INVS: variants seen among roughly 807,000 people sequenced by gnomAD.
INVS encodes the protein inversin.
Under a neutral mutation model 108.8 loss-of-function variants are expected in INVS, and 86 were observed. The ratio of observed to expected loss-of-function variants is 0.79; its 90% CI spans 0.66 to 0.95. The LOEUF (loss-of-function observed/expected upper bound fraction) is 0.95. INVS is among the 40% of genes least tolerant of loss of function. INVS has a pLI of 0.00. For missense variants in INVS, 1,169 were observed against 1,297.4 expected, an observed-to-expected ratio of 0.90 and a Z score of 1.52; for synonymous variants, 455 against 473.5, an observed-to-expected ratio of 0.96 and a Z score of 0.51.
chr9:100,276,739 C>T (rs1420183466), intron 12 of INVS, among the ~76,000 whole-genome samples: 3 of 152,062 alleles, frequency 2.0e-5, no homozygotes, highest in Non-Finnish European at 4.4e-5. Flanking sequence ...AAACTCCTGA[C>T]CTCAACCCAC....
At chr9:100,192,105 G>A (rs1389956895) in intron 3 of INVS, among the ~76,000 whole-genome samples, 4 of 152,090 alleles carry the variant, frequency 2.6e-5, no homozygotes, top group African/African-American at 9.7e-5. Context: ...GAGGGTCTGT[G>A]ATTTCTGTCA....
At chr9:100,257,034 G>T (rs1334863064) in intron 10 of INVS, among the ~76,000 whole-genome samples, 2 of 152,170 alleles carry the variant, frequency 1.3e-5, no homozygotes, top group Non-Finnish European at 2.9e-5. Flanking sequence ...TGATTATTGT[G>T]TGGGAGTCTA....
At position 100,273,065 on chromosome 9, in the gene INVS, T is replaced by C. The variant is rs1448637021; in HGVS notation, c.1773T>C (p.Asp591=). ...TGAAGCATGAACAGTTGAGAAAAGATGCTGCTGCCAAGTAAGTATGAGCTA... is the reference window on the plus strand; with the variant it reads ...TGAAGCATGAACAGTTGAGAAAAGACGCTGCTGCCAAGTAAGTATGAGCTA... ...LLMKHEQLRK[D]AAAKKREEEN... The change falls in exon 12 of 17, where the codon GAT becomes GAC. Residue 591 remains aspartate (D), a synonymous_variant. Coordinates refer to ENST00000262457, the MANE Select transcript of INVS (RefSeq NM_014425.5). The C allele has an allele frequency of 1.9e-6, 3 of 1,613,860 alleles. No homozygotes were observed. In the South Asian group the frequency reaches 3.3e-5, roughly 18 times the overall value.
intron 3 of INVS, among the ~76,000 whole-genome samples, chr9:100,127,048 T>A (rs763868241): frequency 1.3e-3 from 202 of 152,006 alleles, no homozygotes; most frequent in Non-Finnish European, 2.5e-3. Flanking sequence ...ATTAAAAAAT[T>A]AGCTGGGCAT....
intron 3 of INVS, among the ~76,000 whole-genome samples, chr9:100,168,466 T>C (rs1829435457): frequency 6.6e-6 from 1 of 152,202 alleles, no homozygotes; most frequent in Non-Finnish European, 1.5e-5. Context: ...TCTAATTTGG[T>C]AGGTTTGCTT....
intron 15 of INVS, 39 bp from the exon 16 acceptor site, chr9:100,297,897 C>G: frequency 3.7e-6 from 6 of 1,610,134 alleles, no homozygotes; most frequent in Non-Finnish European, 5.1e-6. Context: ...CAAACGTATC[C>G]CTGGCCAAAG....
intron 3 of INVS, among the ~76,000 whole-genome samples, chr9:100,195,499 T>A (rs967782535): frequency 2.0e-5 from 3 of 151,688 alleles, no homozygotes; most frequent in Admixed American, 2.0e-4. Context: ...ATTGATTTTT[T>A]TTTTTGAGAC....
rs373278202 is a variant in INVS, at chr9:100,182,041, G to T, written c.274-44021G>T. 1.2e-4 allele frequency among the ~76,000 whole-genome samples: 19 copies of T among 152,276 alleles called. No individual in the cohort carries two copies. The East Asian group carries it at 2.9e-3, about 23-fold the overall frequency. The stretch of plus-strand genomic sequence containing the variant: ...AAGGATTCCCTATTTAATAAATGGT[G>T]TTGGGAAAATGGCTAGCCATATGCA... On this transcript the variant is annotated intron_variant, in intron 3 of 16. Transcript: ENST00000262457.
At chr9:100,225,097 G>C (rs1433828929) in intron 3 of INVS, among the ~76,000 whole-genome samples, 2 of 147,822 alleles carry the variant, frequency 1.4e-5, no homozygotes, top group Non-Finnish European at 3.0e-5. Context: ...TCACTCTGTC[G>C]CCCAGCCTGG....
At chr9:100,226,352 T>A in intron 4 of INVS, 117 bp downstream of exon 4, 1 of 777,714 alleles carries the variant, frequency 1.3e-6, no homozygotes, top group African/African-American at 1.7e-5. Context: ...GTAGAACAAT[T>A]CCAAATCTCC....
chr9:100,252,575 G>A (rs1832271883), intron 9 of INVS, 137 bp downstream of exon 9: 1 of 872,200 alleles, frequency 1.1e-6, no homozygotes. Context: ...AACATGGCAT[G>A]AGGAACCTCA....
intron 3 of INVS, among the ~76,000 whole-genome samples, chr9:100,159,981 C>A (rs1829117179): frequency 6.6e-6 from 1 of 152,166 alleles, no homozygotes. Flanking sequence ...GAACCCACTT[C>A]ATGATTTCTA....
chr9:100,195,342 A>G (rs1423358409), intron 3 of INVS, among the ~76,000 whole-genome samples: 3 of 152,160 alleles, frequency 2.0e-5, no homozygotes, highest in Non-Finnish European at 2.9e-5. Flanking sequence ...TGCTCATTAT[A>G]TCAATTGTTT....
intron 2 of INVS, chr9:100,120,328 A>G (rs993706791): frequency 2.6e-5 from 4 of 152,322 alleles, no homozygotes; most frequent in African/African-American, 9.6e-5. Flanking sequence ...ATCACTCATG[A>G]TAGGTTATTA....
At chr9:100,199,830 T>A (rs6479006) in intron 3 of INVS, among the ~76,000 whole-genome samples, 29,356 of 152,078 alleles carry the variant, frequency 0.19, 4,517 homozygotes, top group African/African-American at 0.43. Flanking sequence ...ATTCACTGAG[T>A]TTCTTGGATA....
At chr9:100,175,116 A>C (rs1001231341) in intron 3 of INVS, 5 of 299,488 alleles carry the variant, frequency 1.7e-5, no homozygotes, top group Non-Finnish European at 3.2e-5. Flanking sequence ...AACAGTCTTA[A>C]AGCCTTAGCC....
At chr9:100,126,628 A>T (rs1827892578) in intron 3 of INVS, 79 bp downstream of exon 3, 3 of 1,332,688 alleles carry the variant, frequency 2.3e-6, no homozygotes, top group Admixed American at 3.4e-5. Flanking sequence ...TGCAATGGAC[A>T]GATAATAAAG....
At chr9:100,176,569 C>T (rs10988994) in intron 3 of INVS, among the ~76,000 whole-genome samples, 31,982 of 151,940 alleles carry the variant, frequency 0.21, 5,724 homozygotes, top group African/African-American at 0.49. Context: ...CTCCACCTTC[C>T]GGGTTGATGT....
chr9:100,235,724 C>T (rs958351647), intron 5 of INVS, among the ~76,000 whole-genome samples: 7 of 152,186 alleles, frequency 4.6e-5, no homozygotes, highest in African/African-American at 1.7e-4. Flanking sequence ...AGGGTTTCTG[C>T]AGAGAGATCT....
Sources: gnomAD v4.1 joint callset for allele counts (sites outside exome capture counted in the v4.1 genomes callset) on GRCh38, gnomAD v4.1.1 for gene constraint, MANE v1.5 for transcripts, NCBI Gene and HGNC (gene_info 2026-07-23, HGNC 2026-07-21) for gene names.